Variants in TTC28 observed in about 807,000 individuals in gnomAD.
TTC28 encodes the protein tetratricopeptide repeat protein 28.
TTC28 carries 61 observed loss-of-function variants against 198.0 expected under a neutral mutation model. The observed-to-expected ratio is 0.31, with a 90% CI of 0.25 to 0.38. The LOEUF (loss-of-function observed/expected upper bound fraction) is 0.38. Ranked by LOEUF, TTC28 falls within the 10% of genes least tolerant of loss-of-function variation. The pLI is 1.00. For synonymous variants in TTC28, 1,171 were observed against 1,297.8 expected (o/e 0.90, Z 2.10); for missense variants, 2,678 against 3,164.0 (o/e 0.85, Z 3.69).
intron 8 of TTC28, among the ~76,000 whole-genome samples, chr22:28,104,608 T>A (rs535380167): frequency 6.6e-5 from 10 of 152,114 alleles, no homozygotes; most frequent in Non-Finnish European, 1.3e-4. Flanking sequence ...GGACTTCTGC[T>A]TTCGGAGGAA....
intron 1 of TTC28, among the ~76,000 whole-genome samples, chr22:28,653,893 G>A (rs1442241912): frequency 3.3e-5 from 5 of 152,126 alleles, no homozygotes; most frequent in Admixed American, 6.5e-5. Context: ...TTACATGTCC[G>A]AAAATGACGT....
chr22:28,372,522 T>C (rs1225825998), intron 2 of TTC28, among the ~76,000 whole-genome samples: 2 of 104,574 alleles, frequency 1.9e-5, no homozygotes, highest in South Asian at 3.8e-4. Context: ...CTATTGTTCA[T>C]AGTTTATCCT....
chr22:28,454,868 G>A (rs945802541), intron 2 of TTC28, among the ~76,000 whole-genome samples: 1 of 152,180 alleles, frequency 6.6e-6, no homozygotes, highest in Non-Finnish European at 1.5e-5. Context: ...AAACTGACAG[G>A]CAGCCTTAAG....
chr22:28,614,909 A>G (rs2050877027), intron 2 of TTC28, among the ~76,000 whole-genome samples: 1 of 152,210 alleles, frequency 6.6e-6, no homozygotes, highest in Admixed American at 6.5e-5. Flanking sequence ...TTTAAACACC[A>G]AAAGCAACGG....
At chr22:28,253,662 G>T (rs1314196225) in intron 5 of TTC28, among the ~76,000 whole-genome samples, 1 of 152,250 alleles carries the variant, frequency 6.6e-6, no homozygotes, top group Non-Finnish European at 1.5e-5. Flanking sequence ...ACATAGGGAG[G>T]AGCTAGGTGT....
chr22:28,652,869 G>A (rs1453329855), intron 1 of TTC28, among the ~76,000 whole-genome samples: 1 of 152,078 alleles, frequency 6.6e-6, no homozygotes, highest in Non-Finnish European at 1.5e-5. Context: ...GATCCCTATT[G>A]TATAAATATG....
chr22:28,210,423 A>T (rs1481435663), intron 5 of TTC28, among the ~76,000 whole-genome samples: 5 of 152,148 alleles, frequency 3.3e-5, no homozygotes, highest in Admixed American at 6.5e-5. Flanking sequence ...ACTAGAATAA[A>T]CAGTGTAGAG....
intron 2 of TTC28, among the ~76,000 whole-genome samples, chr22:28,507,898 C>G (rs1307129187): frequency 1.3e-5 from 2 of 152,126 alleles, no homozygotes; most frequent in Admixed American, 1.3e-4. Context: ...TGCAAGAGCT[C>G]CTGAAGGAAG....
At chr22:28,480,213 T>C (rs1335757847) in intron 2 of TTC28, among the ~76,000 whole-genome samples, 1 of 152,230 alleles carries the variant, frequency 6.6e-6, no homozygotes, top group Non-Finnish European at 1.5e-5. Context: ...AGCATTTGTT[T>C]AATGAGAGTT....
chr22:28,032,168 GTATATATA>G (rs375645095), intron 12 of TTC28, among the ~76,000 whole-genome samples: 2 of 91,078 alleles, frequency 2.2e-5, no homozygotes, highest in South Asian at 6.2e-4. Flanking sequence ...CTTAGTGTGT[GTATATATA>G]TATATATATA....
At chr22:28,360,467 AT>A (rs1159081335) in intron 2 of TTC28, among the ~76,000 whole-genome samples, 1 of 152,250 alleles carries the variant, frequency 6.6e-6, no homozygotes. Context: ...TTAATAAAAG[AT>A]ATGTTGGAAT....
intron 19 of TTC28, among the ~76,000 whole-genome samples, chr22:27,991,620 C>G (rs1314646289): frequency 6.6e-6 from 1 of 152,164 alleles, no homozygotes; most frequent in Non-Finnish European, 1.5e-5. Context: ...CTAATAACAA[C>G]ATATATTACT....
chr22:28,082,818 G>C (rs1308486999), intron 12 of TTC28, among the ~76,000 whole-genome samples: 1 of 152,012 alleles, frequency 6.6e-6, no homozygotes, highest in East Asian at 1.9e-4. Context: ...GAAAAGGATT[G>C]GTATTAATTC....
intron 5 of TTC28, among the ~76,000 whole-genome samples, chr22:28,183,126 A>G (rs1923865477): frequency 1.3e-5 from 2 of 151,516 alleles, no homozygotes; most frequent in Non-Finnish European, 2.9e-5. Flanking sequence ...GGATGTAATC[A>G]TAACTCACTG....
intron 14 of TTC28, chr22:28,002,274 T>A (rs1382062239): frequency 6.6e-6 from 1 of 152,552 alleles, no homozygotes; most frequent in Non-Finnish European, 1.5e-5. Flanking sequence ...TCCTGGAAGC[T>A]GGGTCCACAC....
At chr22:28,258,132 T>C (rs1033242250) in intron 5 of TTC28, among the ~76,000 whole-genome samples, 3 of 152,146 alleles carry the variant, frequency 2.0e-5, no homozygotes, top group African/African-American at 7.2e-5. Flanking sequence ...TACTTAGCAA[T>C]GTCTGTGTAT....
At chr22:28,637,222 C>G (rs12169071) in intron 1 of TTC28, among the ~76,000 whole-genome samples, 20,692 of 151,836 alleles carry the variant, frequency 0.14, 1,635 homozygotes, top group African/African-American at 0.2. Context: ...GTGTTAGCCA[C>G]GAGGGTCTCG....
At chr22:28,465,202 G>C (rs2048000967) in intron 2 of TTC28, among the ~76,000 whole-genome samples, 1 of 152,124 alleles carries the variant, frequency 6.6e-6, no homozygotes, top group South Asian at 2.1e-4. Context: ...TCTGCATATA[G>C]GCAAACAGCC....
At chr22:28,395,427 A>T (rs748359697) in intron 2 of TTC28, among the ~76,000 whole-genome samples, 7 of 152,062 alleles carry the variant, frequency 4.6e-5, no homozygotes, top group Non-Finnish European at 1.0e-4. Flanking sequence ...AGGTCAGGAG[A>T]TCGAGCCCAT....
Sources: gnomAD v4.1 joint callset for allele counts (sites outside exome capture counted in the v4.1 genomes callset) on GRCh38, gnomAD v4.1.1 for gene constraint, MANE v1.5 for transcripts, NCBI Gene and HGNC (gene_info 2026-07-23, HGNC 2026-07-21) for gene names.